Variants in POFUT3 observed in about 807,000 individuals in gnomAD.
POFUT3 encodes protein O-fucosyltransferase 3.
the POFUT3 span, among the ~76,000 whole-genome samples, chr8:33,411,807 A>T: frequency 6.6e-6 from 1 of 152,188 alleles, no homozygotes; most frequent in Admixed American, 6.5e-5. Context: ...ATAAAAATAA[A>T]AATAATAATG....
chr8:33,313,737 C>G, the POFUT3 span, among the ~76,000 whole-genome samples: 1 of 152,218 alleles, frequency 6.6e-6, no homozygotes, highest in African/African-American at 2.4e-5. Flanking sequence ...TTCAAATTAT[C>G]CTGAATATAA....
chr8:33,467,438 AG>A, the POFUT3 span, among the ~76,000 whole-genome samples: 1 of 152,190 alleles, frequency 6.6e-6, no homozygotes. Context: ...CATTGCCTAC[AG>A]GATGAATCTG....
the POFUT3 span, chr8:33,372,707 C>T: frequency 6.2e-7 from 1 of 1,614,088 alleles, no homozygotes; most frequent in Non-Finnish European, 8.5e-7. Context: ...TCGCAAAGAG[C>T]TCAAAGGTGG....
At chr8:33,337,465 T>C in the POFUT3 span, among the ~76,000 whole-genome samples, 1 of 152,114 alleles carries the variant, frequency 6.6e-6, no homozygotes, top group African/African-American at 2.4e-5. Context: ...TTTTGCCTAA[T>C]ACACATCAGA....
the POFUT3 span, among the ~76,000 whole-genome samples, chr8:33,369,348 G>A: frequency 1.3e-5 from 2 of 152,112 alleles, no homozygotes; most frequent in Admixed American, 1.3e-4. Flanking sequence ...TCCCCTTTGA[G>A]TTTTTCAAGC....
At chr8:33,328,396 A>C in the POFUT3 span, among the ~76,000 whole-genome samples, 1 of 152,202 alleles carries the variant, frequency 6.6e-6, no homozygotes, top group Non-Finnish European at 1.5e-5. Context: ...AACAAAAAAA[A>C]AAAGCAGCTC....
At chr8:33,349,750 A>G in the POFUT3 span, among the ~76,000 whole-genome samples, 1 of 152,228 alleles carries the variant, frequency 6.6e-6, no homozygotes, top group African/African-American at 2.4e-5. Context: ...ACATGCATGT[A>G]CAAGTATCTT....
At chr8:33,333,414 C>T in the POFUT3 span, among the ~76,000 whole-genome samples, 5 of 152,164 alleles carry the variant, frequency 3.3e-5, no homozygotes, top group Admixed American at 2.0e-4. Flanking sequence ...ATAGAGAAAT[C>T]GTCTACCAGG....
chr8:33,465,506 A>C, the POFUT3 span, among the ~76,000 whole-genome samples: 1 of 152,006 alleles, frequency 6.6e-6, no homozygotes, highest in Non-Finnish European at 1.5e-5. Flanking sequence ...TCTGTTGCCC[A>C]GGCTGGAGTG....
At chr8:33,389,577 G>C in the POFUT3 span, 1 of 1,614,080 alleles carries the variant, frequency 6.2e-7, no homozygotes, top group African/African-American at 1.3e-5. Flanking sequence ...GACTGCAAAG[G>C]AACTAGGTAT....
chr8:33,468,948 C>T, the POFUT3 span, among the ~76,000 whole-genome samples: 23 of 152,138 alleles, frequency 1.5e-4, no homozygotes, highest in East Asian at 9.7e-4. Flanking sequence ...GGTAATACCA[C>T]GGAAAGTTTT....
chr8:33,330,716 A>G, the POFUT3 span, among the ~76,000 whole-genome samples: 1 of 152,084 alleles, frequency 6.6e-6, no homozygotes, highest in South Asian at 2.1e-4. Flanking sequence ...TGTAGTTCAT[A>G]TTATCATTGT....
chr8:33,324,616 G>C, the POFUT3 span, among the ~76,000 whole-genome samples: 1 of 152,074 alleles, frequency 6.6e-6, no homozygotes, highest in East Asian at 1.9e-4. Flanking sequence ...TAAGGGTGTG[G>C]TGAAGATTAA....
chr8:33,458,395 A>T, the POFUT3 span, among the ~76,000 whole-genome samples: 41 of 152,312 alleles, frequency 2.7e-4, no homozygotes, highest in African/African-American at 9.6e-4. Flanking sequence ...CCCTATTCAT[A>T]TGGCAAAGTA....
At chr8:33,339,509 A>C in the POFUT3 span, among the ~76,000 whole-genome samples, 4 of 152,208 alleles carry the variant, frequency 2.6e-5, no homozygotes, top group Non-Finnish European at 5.9e-5. Context: ...TGGGGCTAAA[A>C]AGTACTCAAA....
chr8:33,428,572 T>G, the POFUT3 span, among the ~76,000 whole-genome samples: 1 of 152,180 alleles, frequency 6.6e-6, no homozygotes. Context: ...AAAACCATCT[T>G]GATTAGTACA....
At chr8:33,346,499 T>C in the POFUT3 span, among the ~76,000 whole-genome samples, 4 of 152,354 alleles carry the variant, frequency 2.6e-5, no homozygotes, top group African/African-American at 7.2e-5. Flanking sequence ...ATTGTTTCCT[T>C]TGGAATCATT....
chr8:33,461,632 TGG>T, the POFUT3 span: 1 of 1,528,498 alleles, frequency 6.5e-7, no homozygotes, highest in Non-Finnish European at 8.8e-7. Context: ...TGAGAGGGTC[TGG>T]CTTGGCATCG....
the POFUT3 span, chr8:33,372,766 G>A: frequency 6.2e-7 from 1 of 1,614,060 alleles, no homozygotes; most frequent in Non-Finnish European, 8.5e-7. Context: ...GGCAACTCAG[G>A]TGGGTATCTT....
Sources: allele counts gnomAD v4.1 joint callset (sites outside exome capture counted in the v4.1 genomes callset), GRCh38; gene constraint gnomAD v4.1.1; transcripts MANE v1.5; gene names NCBI Gene and HGNC (gene_info 2026-07-23, HGNC 2026-07-21).